The following IL3RA variants were observed in gnomAD, a reference collection of about 807,000 sequenced individuals.
IL3RA encodes interleukin-3 receptor subunit alpha.
Under a neutral mutation model 52.3 loss-of-function variants are expected in IL3RA, and 73 were observed. That is an observed-to-expected ratio of 1.40 (90% CI 1.16 to 1.70). The LOEUF is 1.70. IL3RA is among the 40% of genes most tolerant of loss of function. IL3RA has a pLI of 0.00. For synonymous variants in IL3RA, 260 were observed against 194.0 expected, an observed-to-expected ratio of 1.34 and a Z score of -2.83; for missense variants, 664 against 504.4, an observed-to-expected ratio of 1.32 and a Z score of -3.03.
At chrX:1,368,759 A>G (rs1170678963) in intron 9 of IL3RA, among the ~76,000 whole-genome samples, 4 of 145,998 alleles carry the variant, frequency 2.7e-5, no homozygotes, top group South Asian at 4.7e-4. Flanking sequence ...CTCAGGAGGA[A>G]CCAGCACTGC....
intron 9 of IL3RA, among the ~76,000 whole-genome samples, chrX:1,377,030 G>C (rs1263674847): frequency 2.7e-5 from 4 of 149,578 alleles, no homozygotes; most frequent in African/African-American, 7.4e-5. Flanking sequence ...ACAGCAGCCT[G>C]AGATGGACTA....
At chrX:1,348,397 G>C (rs17882947) in intron 3 of IL3RA, 34 bp from the exon 4 acceptor site, 748,505 of 1,488,530 alleles carry the variant, frequency 0.5, 193,349 homozygotes, top group Middle Eastern at 0.57. Context: ...AGCATGGTCT[G>C]TCAGCAGCCA....
At chrX:1,367,682 CGGGGTG>C (rs2088232275) in intron 9 of IL3RA, among the ~76,000 whole-genome samples, 2 of 108,720 alleles carry the variant, frequency 1.8e-5, no homozygotes, top group Non-Finnish European at 3.7e-5. Context: ...GCGGGGTGAG[CGGGGTG>C]CGCGGGGTGA....
intron 4 of IL3RA, 133 bp downstream of exon 4, chrX:1,348,678 CTTTCTT>C (rs1398588655): frequency 5.5e-5 from 26 of 476,828 alleles, no homozygotes; most frequent in African/African-American, 1.8e-4. Context: ...TTCTTTCTTT[CTTTCTT>C]TCTTTCTTTT....
chrX:1,354,669 AGGAGGAAGAGAAGAAAACAGGAGGG>A (rs2086498863), intron 6 of IL3RA, among the ~76,000 whole-genome samples: 1 of 70,520 alleles, frequency 1.4e-5, no homozygotes, highest in Non-Finnish European at 2.6e-5. Context: ...GGGGAGGAAG[AGGAGGAAGAGAAGAAAACAGGAGGG>A]GGAGGAAGAG....
At chrX:1,367,350 C>G (rs867592118) in intron 9 of IL3RA, among the ~76,000 whole-genome samples, 3 of 6,060 alleles carry the variant, frequency 5.0e-4, no homozygotes, top group Admixed American at 2.5e-3. Context: ...CGGGGTGAGC[C>G]GGGTGAGCGG....
intron 8 of IL3RA, among the ~76,000 whole-genome samples, chrX:1,364,143 A>G (rs1270742954): frequency 2.1e-5 from 3 of 145,828 alleles, no homozygotes; most frequent in South Asian, 4.5e-4. Flanking sequence ...AGCCGAGATC[A>G]CGCCACTGCA....
intron 9 of IL3RA, among the ~76,000 whole-genome samples, chrX:1,376,542 G>A (rs2088736341): frequency 8.7e-6 from 1 of 115,584 alleles, no homozygotes; most frequent in African/African-American, 3.4e-5. Context: ...CCCAGCCTCT[G>A]GTATTCTGTG....
In IL3RA at chrX:1,378,764, G is replaced by A; in HGVS notation, c.980G>A (p.Arg327Lys). ...GTCTGTGTCTTCGTGATCTGCAGAA[G>A]GTGAGCCCTCGAGGGCGTCCGCGAG... ...ALVCVFVICRRYLVMQRLFPR... is the reference protein window; with the variant it reads ...ALVCVFVICRKYLVMQRLFPR... The change falls in exon 10 of 12, where the codon AGG becomes AAG. Residue 327 changes from arginine to lysine, a missense_variant and splice_region_variant. Physicochemically the swap from Arg to Lys is conservative, Grantham distance 26. Coordinates refer to ENST00000331035, the MANE Select transcript of IL3RA (RefSeq NM_002183.4). 1.9e-6 allele frequency: 3 copies of A among 1,612,252 alleles called. No homozygotes were observed. The highest frequency in any genetic ancestry group is 2.5e-6 in the Non-Finnish European group (3 of 1,179,726).
At chrX:1,363,116 G>C (rs1417404905) in intron 8 of IL3RA, among the ~76,000 whole-genome samples, 1 of 149,534 alleles carries the variant, frequency 6.7e-6, no homozygotes, top group Non-Finnish European at 1.5e-5. Flanking sequence ...ATTGCATTTA[G>C]GGCCCCCCCT....
chrX:1,376,924 C>T (rs1366609705), intron 9 of IL3RA, among the ~76,000 whole-genome samples: 1 of 140,210 alleles, frequency 7.1e-6, no homozygotes, highest in East Asian at 2.0e-4. Context: ...GAGGAACCAG[C>T]CCTGCCCACA....
intron 11 of IL3RA, among the ~76,000 whole-genome samples, chrX:1,381,780 G>A (rs1307731271): frequency 6.6e-6 from 1 of 151,570 alleles, no homozygotes; most frequent in African/African-American, 2.4e-5. Context: ...CTGACCTTGT[G>A]ATCCCCCTGC....
At chrX:1,342,931 T>C (rs865950500) in intron 2 of IL3RA, among the ~76,000 whole-genome samples, 50 of 150,312 alleles carry the variant, frequency 3.3e-4, no homozygotes, top group Admixed American at 5.3e-4. Flanking sequence ...AAAAATCAGC[T>C]GGGCGTGGTG....
chrX:1,358,376 T>A (rs1211447275), intron 7 of IL3RA, among the ~76,000 whole-genome samples: 1 of 151,590 alleles, frequency 6.6e-6, no homozygotes, highest in East Asian at 2.0e-4. Context: ...AGAAACCTTT[T>A]GGGCCAGGCG....
At chrX:1,359,662 C>T (rs1196684425) in intron 8 of IL3RA, among the ~76,000 whole-genome samples, 2 of 150,974 alleles carry the variant, frequency 1.3e-5, no homozygotes, top group African/African-American at 4.9e-5. Flanking sequence ...GTCTCTATCT[C>T]CCGCTCCGTG....
intron 7 of IL3RA, among the ~76,000 whole-genome samples, chrX:1,356,868 T>TC (rs2086773090): frequency 6.6e-6 from 1 of 151,996 alleles, no homozygotes; most frequent in South Asian, 2.1e-4. Flanking sequence ...TCTTGAACTT[T>TC]CTTTTTTCTT....
intron 3 of IL3RA, among the ~76,000 whole-genome samples, chrX:1,346,069 C>T: frequency 6.6e-6 from 1 of 151,932 alleles, no homozygotes; most frequent in Middle Eastern, 3.4e-3. Context: ...AATCCCAGCA[C>T]TTTGGGAGGC....
chrX:1,347,336 C>T (rs186585582), intron 3 of IL3RA, among the ~76,000 whole-genome samples: 57 of 150,792 alleles, frequency 3.8e-4, no homozygotes, highest in Non-Finnish European at 7.2e-4. Flanking sequence ...CCCAGCTACT[C>T]GGGAGGCTGA....
chrX:1,347,169 G>T (rs187755175), intron 3 of IL3RA, among the ~76,000 whole-genome samples: 1 of 151,496 alleles, frequency 6.6e-6, no homozygotes, highest in Non-Finnish European at 1.5e-5. Context: ...CAAGTAGGCC[G>T]GGCGTGGTGG....
Sources: allele counts gnomAD v4.1 joint callset (sites outside exome capture counted in the v4.1 genomes callset), GRCh38; gene constraint gnomAD v4.1.1; transcripts MANE v1.5; gene names NCBI Gene and HGNC (gene_info 2026-07-23, HGNC 2026-07-21).